Variants in FHIT observed in about 807,000 individuals in gnomAD.
FHIT encodes fragile histidine triad diadenosine triphosphatase.
Under a neutral mutation model 17.9 loss-of-function variants are expected in FHIT, and 19 were observed. The observed-to-expected ratio is 1.06, with a 90% CI of 0.74 to 1.56. FHIT has a LOEUF of 1.56. FHIT is among the 40% of genes most tolerant of loss of function. The probability of loss-of-function intolerance (pLI) is 0.00; values close to 1 mark genes in which losing one functional copy is unlikely to be tolerated. For synonymous variants in FHIT, 81 were observed against 69.7 expected (o/e 1.16, Z -0.81); for missense variants, 248 against 189.2 (o/e 1.31, Z -1.82).
At chr3:60,452,367 G>A (rs2031807690) in intron 5 of FHIT, among the ~76,000 whole-genome samples, 1 of 152,134 alleles carries the variant, frequency 6.6e-6, no homozygotes, top group African/African-American at 2.4e-5. Context: ...AGATGTGAAA[G>A]GTTAGGACCA....
intron 7 of FHIT, among the ~76,000 whole-genome samples, chr3:59,974,722 T>G (rs970889090): frequency 1.2e-4 from 18 of 152,074 alleles, no homozygotes; most frequent in African/African-American, 3.6e-4. Flanking sequence ...ATCACAAAAC[T>G]CACACTATAA....
chr3:60,886,474 T>C (rs782685195), intron 3 of FHIT, among the ~76,000 whole-genome samples: 1 of 152,222 alleles, frequency 6.6e-6, no homozygotes, highest in African/African-American at 2.4e-5. Context: ...GTAATACTCA[T>C]AGGGACAATG....
chr3:60,457,599 A>G (rs1320149029), intron 5 of FHIT, among the ~76,000 whole-genome samples: 1 of 152,182 alleles, frequency 6.6e-6, no homozygotes, highest in Non-Finnish European at 1.5e-5. Flanking sequence ...ATTAAACTAA[A>G]GAGCTTCTGC....
chr3:60,150,236 G>A (rs983573380), intron 5 of FHIT, among the ~76,000 whole-genome samples: 3 of 151,824 alleles, frequency 2.0e-5, no homozygotes, highest in Non-Finnish European at 4.4e-5. Flanking sequence ...ACCTCAGGTG[G>A]TCCACCCACC....
At chr3:60,013,717 CCCAGTT>C (rs1700227373) in intron 6 of FHIT, among the ~76,000 whole-genome samples, 1 of 152,132 alleles carries the variant, frequency 6.6e-6, no homozygotes, top group South Asian at 2.1e-4. Flanking sequence ...TTTTTCCAGT[CCCAGTT>C]CCAGTAAGCA....
At chr3:61,207,143 C>A (rs1213366884) in intron 1 of FHIT, among the ~76,000 whole-genome samples, 2 of 152,152 alleles carry the variant, frequency 1.3e-5, no homozygotes, top group African/African-American at 4.8e-5. Flanking sequence ...ATATGTTCAA[C>A]CAGCCTTGCA....
intron 5 of FHIT, among the ~76,000 whole-genome samples, chr3:60,244,607 G>T (rs1705299400): frequency 6.6e-6 from 1 of 152,158 alleles, no homozygotes; most frequent in Admixed American, 6.5e-5. Context: ...CCACAAAATT[G>T]TAAGGCAATG....
chr3:61,028,013 A>G (rs1052419005), intron 3 of FHIT, among the ~76,000 whole-genome samples: 5 of 152,180 alleles, frequency 3.3e-5, no homozygotes, highest in African/African-American at 1.2e-4. Flanking sequence ...ATTATTTTAA[A>G]CTAAGAGGAA....
chr3:60,853,967 G>A (rs1429407362), intron 3 of FHIT, among the ~76,000 whole-genome samples: 1 of 151,996 alleles, frequency 6.6e-6, no homozygotes, highest in Non-Finnish European at 1.5e-5. Context: ...TTTGAGTCCT[G>A]ATTACCTTAC....
chr3:59,997,612 T>G (rs1482586422), intron 7 of FHIT, among the ~76,000 whole-genome samples: 3 of 152,190 alleles, frequency 2.0e-5, no homozygotes, highest in African/African-American at 7.2e-5. Flanking sequence ...TGTCAGTATG[T>G]GAACCTTAAA....
chr3:60,102,481 G>T (rs1361620176), intron 5 of FHIT, among the ~76,000 whole-genome samples: 1 of 152,098 alleles, frequency 6.6e-6, no homozygotes, highest in Non-Finnish European at 1.5e-5. Context: ...GAATGATCTG[G>T]GGGTTCTTAC....
chr3:60,554,113 CAGGGAAAGACAGAAACCTGAATAAA>C (rs2036661218), intron 4 of FHIT, among the ~76,000 whole-genome samples: 1 of 151,812 alleles, frequency 6.6e-6, no homozygotes, highest in Non-Finnish European at 1.5e-5. Context: ...AAAAACGTAT[CAGGGAAAGACAGAAACCTGAATAAA>C]AAGGAAACAG....
At chr3:61,050,145 G>A (rs146614424) in intron 2 of FHIT, among the ~76,000 whole-genome samples, 4 of 152,062 alleles carry the variant, frequency 2.6e-5, no homozygotes, top group African/African-American at 9.7e-5. Context: ...AAATAAATCG[G>A]TTTGCTTTTC....
At chr3:60,356,718 A>T (rs1488968689) in intron 5 of FHIT, among the ~76,000 whole-genome samples, 1 of 149,092 alleles carries the variant, frequency 6.7e-6, no homozygotes, top group East Asian at 2.0e-4. Context: ...GGAAAATTAA[A>T]CAAAATGGGC....
intron 5 of FHIT, among the ~76,000 whole-genome samples, chr3:60,344,657 T>A (rs1710687202): frequency 6.6e-6 from 1 of 152,300 alleles, no homozygotes; most frequent in African/African-American, 2.4e-5. Flanking sequence ...TCCAAACTTG[T>A]TAGAAGATAA....
intron 5 of FHIT, among the ~76,000 whole-genome samples, chr3:60,371,843 T>A (rs1020503082): frequency 3.7e-4 from 1 of 2,732 alleles, no homozygotes; most frequent in African/African-American, 3.2e-3. Context: ...TTTTGTGGGG[T>A]TTTTTTTTTT....
At chr3:60,901,843 T>C (rs1487781004) in intron 3 of FHIT, among the ~76,000 whole-genome samples, 2 of 152,168 alleles carry the variant, frequency 1.3e-5, no homozygotes, top group Non-Finnish European at 1.5e-5. Flanking sequence ...AAAAATACAC[T>C]GAGAACCACT....
At chr3:60,184,235 C>A (rs902995748) in intron 5 of FHIT, among the ~76,000 whole-genome samples, 1 of 152,026 alleles carries the variant, frequency 6.6e-6, no homozygotes, top group African/African-American at 2.4e-5. Context: ...CATGCCTGGC[C>A]TCTGAGACAT....
At chr3:60,155,779 C>T (rs189086963) in intron 5 of FHIT, among the ~76,000 whole-genome samples, 2 of 152,194 alleles carry the variant, frequency 1.3e-5, no homozygotes, top group Admixed American at 6.5e-5. Flanking sequence ...TGTGGAGAAT[C>T]GCAGAAGTGA....
Sources: allele counts gnomAD v4.1 joint callset (sites outside exome capture counted in the v4.1 genomes callset), GRCh38; gene constraint gnomAD v4.1.1; transcripts MANE v1.5; gene names NCBI Gene and HGNC (gene_info 2026-07-23, HGNC 2026-07-21).